Variants in ITGA8 observed in about 807,000 individuals in gnomAD.
ITGA8 encodes the protein integrin subunit alpha 8.
A neutral mutation model predicts 142.3 loss-of-function variants in ITGA8; 91 were observed. That is an observed-to-expected ratio of 0.64 (90% CI 0.54 to 0.76). ITGA8 has a LOEUF of 0.76. ITGA8 is among the 30% of genes least tolerant of loss of function. The probability of loss-of-function intolerance (pLI) is 0.00; values close to 1 mark genes in which losing one functional copy is unlikely to be tolerated. For synonymous variants in ITGA8, 505 were observed against 485.2 expected, an observed-to-expected ratio of 1.04 and a Z score of -0.54; for missense variants, 1,406 against 1,327.7, an observed-to-expected ratio of 1.06 and a Z score of -0.92.
At chr10:15,676,109 A>G (rs1046278128) in intron 6 of ITGA8, among the ~76,000 whole-genome samples, 1 of 151,622 alleles carries the variant, frequency 6.6e-6, no homozygotes, top group Non-Finnish European at 1.5e-5. Context: ...TTCTTCCCTC[A>G]CTCTCTTAAC....
At chr10:15,676,948 G>T (rs1320314397) in intron 6 of ITGA8, among the ~76,000 whole-genome samples, 1 of 152,184 alleles carries the variant, frequency 6.6e-6, no homozygotes, top group Non-Finnish European at 1.5e-5. Context: ...GGTGGAGGTT[G>T]CAGTGGGTCG....
intron 27 of ITGA8, among the ~76,000 whole-genome samples, chr10:15,533,086 A>T (rs996411600): frequency 5.3e-5 from 8 of 152,196 alleles, no homozygotes; most frequent in Non-Finnish European, 1.0e-4. Context: ...CTACCAGTAC[A>T]TCACTGTCTA....
intron 10 of ITGA8, among the ~76,000 whole-genome samples, chr10:15,658,789 T>C (rs567802891): frequency 3.9e-5 from 6 of 152,274 alleles, no homozygotes; most frequent in African/African-American, 1.4e-4. Flanking sequence ...TGTCCCTTCC[T>C]CTCCCTCCCC....
intron 25 of ITGA8, among the ~76,000 whole-genome samples, chr10:15,570,355 C>T (rs979528240): frequency 2.6e-5 from 4 of 152,064 alleles, no homozygotes. Flanking sequence ...CGCCTGTAAT[C>T]CCAGCACTTT....
chr10:15,620,944 A>C (rs960614763), intron 13 of ITGA8, among the ~76,000 whole-genome samples: 11 of 152,368 alleles, frequency 7.2e-5, no homozygotes, highest in African/African-American at 2.6e-4. Flanking sequence ...AAGATATTGC[A>C]TAATTCTGTG....
At chr10:15,616,406 TA>T in intron 14 of ITGA8, 107 bp downstream of exon 14, 2 of 877,560 alleles carry the variant, frequency 2.3e-6, no homozygotes, top group Non-Finnish European at 1.9e-6. Context: ...AAAGAGCATC[TA>T]AATATTCCCC....
At chr10:15,698,005 A>C (rs1336847557) in intron 2 of ITGA8, among the ~76,000 whole-genome samples, 3 of 152,332 alleles carry the variant, frequency 2.0e-5, no homozygotes, top group Middle Eastern at 6.8e-3. Flanking sequence ...TGGTGCACCC[A>C]TCACCCAAGC....
At chr10:15,541,476 C>T (rs1214532836) in intron 27 of ITGA8, among the ~76,000 whole-genome samples, 3 of 152,192 alleles carry the variant, frequency 2.0e-5, no homozygotes, top group Non-Finnish European at 4.4e-5. Context: ...AGAATATCTG[C>T]TGCTTCCTGA....
intron 25 of ITGA8, among the ~76,000 whole-genome samples, chr10:15,565,930 G>C (rs374072466): frequency 1.3e-4 from 20 of 151,938 alleles, no homozygotes; most frequent in Non-Finnish European, 8.8e-5. Flanking sequence ...GTGTGCGCAC[G>C]CGTGAGTGAG....
At chr10:15,708,052 T>G (rs577500295) in intron 2 of ITGA8, among the ~76,000 whole-genome samples, 184 of 151,870 alleles carry the variant, frequency 1.2e-3, no homozygotes, top group Middle Eastern at 6.8e-3. Context: ...CGCTGGCTGT[T>G]CCTATGAACC....
At chr10:15,667,647 T>G (rs1454514280) in intron 8 of ITGA8, among the ~76,000 whole-genome samples, 1 of 152,014 alleles carries the variant, frequency 6.6e-6, no homozygotes, top group Non-Finnish European at 1.5e-5. Flanking sequence ...CTTTCTCTTG[T>G]GGGCATTTAG....
intron 20 of ITGA8, among the ~76,000 whole-genome samples, chr10:15,600,799 C>T (rs1833091839): frequency 6.6e-6 from 1 of 152,170 alleles, no homozygotes; most frequent in Admixed American, 6.5e-5. Context: ...AAGGTGGTGA[C>T]AGTGGCTGTT....
intron 13 of ITGA8, among the ~76,000 whole-genome samples, chr10:15,632,362 A>G (rs1277698001): frequency 6.6e-6 from 1 of 152,234 alleles, no homozygotes; most frequent in Non-Finnish European, 1.5e-5. Flanking sequence ...GACAGTTCCT[A>G]CATTTTCATA....
intron 8 of ITGA8, among the ~76,000 whole-genome samples, chr10:15,665,286 ATG>A (rs1323248232): frequency 3.9e-5 from 6 of 152,100 alleles, no homozygotes; most frequent in African/African-American, 1.4e-4. Context: ...GCATTTTTTC[ATG>A]TGTTTTTTGG....
chr10:15,566,819 GA>G (rs543178898), intron 25 of ITGA8, among the ~76,000 whole-genome samples: 3 of 89,388 alleles, frequency 3.4e-5, no homozygotes, highest in Non-Finnish European at 4.5e-5. Flanking sequence ...CTTAAAAAAA[GA>G]AAAAAAAAGA....
At position 15,517,182 on chromosome 10, in the gene ITGA8, T is replaced by A; in HGVS notation, c.3168A>T (p.Thr1056=). ...QEDMTDREQL[T]NDKTPEA ...GTCATGCCTCAGGGGTCTTGTCATT[T>A]GTCAGCTGTTCCCTGTCGGTCATGT... The change falls in exon 30 of 30, where the codon ACA becomes ACT. Residue 1056 remains threonine (T), a synonymous_variant. Transcript: ENST00000378076. 3 of 1,613,574 alleles carry A rather than the reference T, an allele frequency of 1.9e-6. No individual in the cohort carries two copies. Among genetic ancestry groups the A allele is most frequent in the Non-Finnish European group, 2.5e-6 (3 of 1,179,596 alleles).
At chr10:15,521,052 T>C (rs1013452765) in intron 28 of ITGA8, among the ~76,000 whole-genome samples, 2 of 152,228 alleles carry the variant, frequency 1.3e-5, no homozygotes, top group African/African-American at 2.4e-5. Context: ...AGTGTCTCAC[T>C]CTGTTGCCCA....
intron 27 of ITGA8, among the ~76,000 whole-genome samples, chr10:15,535,245 C>G (rs943231908): frequency 1.3e-5 from 2 of 152,072 alleles, no homozygotes; most frequent in Admixed American, 1.3e-4. Flanking sequence ...CTGTGCAGCC[C>G]GAGCCTCCCT....
chr10:15,618,750 A>G (rs1325338818), intron 13 of ITGA8, among the ~76,000 whole-genome samples: 3 of 152,188 alleles, frequency 2.0e-5, no homozygotes. Context: ...CTCGAACATC[A>G]GACTCCAAGT....
Sources: gnomAD v4.1 joint callset for allele counts (sites outside exome capture counted in the v4.1 genomes callset) on GRCh38, gnomAD v4.1.1 for gene constraint, MANE v1.5 for transcripts, NCBI Gene and HGNC (gene_info 2026-07-23, HGNC 2026-07-21) for gene names.